Variants in EDARADD observed in about 807,000 individuals in gnomAD.
The protein encoded by EDARADD is EDAR associated via death domain, also known as ectodysplasin-A receptor-associated adapter protein.
A neutral mutation model predicts 25.6 loss-of-function variants in EDARADD; 20 were observed. The observed-to-expected ratio is 0.78, with a 90% CI of 0.55 to 1.14. The LOEUF is 1.14. Ranked by LOEUF, EDARADD falls within the 50% of genes most tolerant of loss-of-function variation. EDARADD has a pLI of 0.00. For missense variants in EDARADD, 225 were observed against 270.1 expected (o/e 0.83, Z 1.17); for synonymous variants, 86 against 94.4 (o/e 0.91, Z 0.52).
chr1:236,435,101 T>C (rs1264055293), intron 4 of EDARADD, among the ~76,000 whole-genome samples: 1 of 152,100 alleles, frequency 6.6e-6, no homozygotes, highest in East Asian at 1.9e-4. Context: ...GATTCATGCA[T>C]TGGGAGGTTA....
At chr1:236,379,852 A>G (rs1667278027) in intron 3 of EDARADD, among the ~76,000 whole-genome samples, 1 of 152,238 alleles carries the variant, frequency 6.6e-6, no homozygotes, top group African/African-American at 2.4e-5. Flanking sequence ...AGAAACGTAA[A>G]TTAATTTGTT....
In EDARADD at chr1:236,468,260, T is replaced by A. The variant is rs1055330533; in HGVS notation, c.249T>A (p.Thr83=). The A allele has an allele frequency of 1.2e-6, 2 of 1,614,056 alleles. No individual in the cohort carries two copies. Among genetic ancestry groups the A allele is most frequent in the African/African-American group, 1.3e-5 (1 of 74,942 alleles). Residue 83 remains threonine (T), a synonymous_variant, in exon 5 of 6, where the codon ACT becomes ACA. Transcript: ENST00000334232. ...QGEENGFPDS[T]GDPLPEISKD... The stretch of plus-strand genomic sequence containing the variant: ...AAGAAAATGGCTTTCCAGATAGCAC[T>A]GGAGATCCTCTTCCAGGTAAATGAT...
At chr1:236,377,782 C>CG (rs1667242315) in intron 3 of EDARADD, among the ~76,000 whole-genome samples, 1 of 151,690 alleles carries the variant, frequency 6.6e-6, no homozygotes, top group Admixed American at 6.6e-5. Context: ...CGCTTGAACC[C>CG]GGGAGGCAGA....
chr1:236,472,708 G>A lies in EDARADD; in HGVS notation c.265+4432G>A, dbSNP rs140189241. The stretch of plus-strand genomic sequence containing the variant: ...ATTCATTGTTGCATGCTTCTTACGT[G>A]TGCTAGGATGGGAGCTTTAAAGGAT... On this transcript the variant is annotated intron_variant, in intron 5 of 5. Transcript: ENST00000334232. Among the ~76,000 whole-genome samples, 53 of 152,232 alleles carry A rather than the reference G, an allele frequency of 3.5e-4. No individual in the cohort carries two copies. In the East Asian group the frequency reaches 8.3e-3, roughly 24 times the overall value.
Position 236,483,327 on chromosome 1 carries a change from A to G in EDARADD, c.*678A>G. 1 of 1,594,912 alleles carries G rather than the reference A, an allele frequency of 6.3e-7. No individual in the cohort carries two copies. The highest frequency in any genetic ancestry group is 1.1e-5 in the South Asian group (1 of 90,672). The stretch of plus-strand genomic sequence containing the variant: ...CCTAGAGCTCCAGGACAATGATAAG[A>G]CTCGCTATATGGGGAAGGGTGTCTC... On this transcript the variant is annotated 3_prime_UTR_variant, in exon 6 of 6. Coordinates refer to ENST00000334232, the MANE Select transcript of EDARADD (RefSeq NM_145861.4).
intron 3 of EDARADD, among the ~76,000 whole-genome samples, chr1:236,372,769 CCTT>C (rs529848790): frequency 1.4e-3 from 214 of 152,096 alleles, no homozygotes; most frequent in African/African-American, 4.9e-3. Flanking sequence ...AATTGTTTCT[CCTT>C]ATGTGAATTT....
chr1:236,441,400 G>GAT (rs1658395129), intron 4 of EDARADD, among the ~76,000 whole-genome samples: 1 of 142,948 alleles, frequency 7.0e-6, no homozygotes, highest in South Asian at 2.1e-4. Flanking sequence ...AGATATATGA[G>GAT]ATATATATAG....
intron 3 of EDARADD, among the ~76,000 whole-genome samples, chr1:236,363,006 A>AATATATATATATATATAT (rs1184705463): frequency 7.0e-4 from 30 of 42,930 alleles, no homozygotes; most frequent in African/African-American, 2.1e-3. Flanking sequence ...AAAAAAAAAA[A>AATATATATATATATATAT]ATATATATAT....
chr1:236,424,064 C>A (rs1323077979), intron 3 of EDARADD, among the ~76,000 whole-genome samples: 2 of 151,748 alleles, frequency 1.3e-5, no homozygotes, highest in Non-Finnish European at 2.9e-5. Flanking sequence ...TGAGATCGCA[C>A]CACTGCACTC....
At position 236,465,928 on chromosome 1, in the gene EDARADD, G is replaced by T. The variant is rs184216485; in HGVS notation, c.220-2303G>T. ...CTTTATCAACTTTCACAAGTAATTC[G>T]TATTTCCCTGTCTGCATCACGGGGA... On this transcript the variant is annotated intron_variant, in intron 4 of 5. Coordinates refer to ENST00000334232, the MANE Select transcript of EDARADD (RefSeq NM_145861.4). Among the ~76,000 whole-genome samples, 12 of 152,220 alleles carry T rather than the reference G, an allele frequency of 7.9e-5. 1 individual carries two copies. The highest frequency in any genetic ancestry group is 2.9e-4 in the African/African-American group (12 of 41,530).
chr1:236,380,209 T>C (rs531072825), intron 3 of EDARADD, among the ~76,000 whole-genome samples: 1 of 152,292 alleles, frequency 6.6e-6, no homozygotes, highest in Middle Eastern at 3.4e-3. Context: ...ATTAAAATAG[T>C]GTGACACAAA....
intron 4 of EDARADD, among the ~76,000 whole-genome samples, chr1:236,445,901 C>T (rs1322619093): frequency 6.6e-6 from 1 of 152,128 alleles, no homozygotes; most frequent in Non-Finnish European, 1.5e-5. Context: ...TCCTTTTTCT[C>T]AGCAGTTCCA....
At chr1:236,457,047 C>T (rs930401586) in intron 4 of EDARADD, among the ~76,000 whole-genome samples, 26 of 152,066 alleles carry the variant, frequency 1.7e-4, no homozygotes, top group Admixed American at 1.0e-3. Flanking sequence ...ACCCAACCTC[C>T]GCCCTCATTT....
In EDARADD at chr1:236,404,023, C is replaced by T. The variant is rs555654722; in HGVS notation, c.62-5193C>T. ...AGGCAGCTTTGGCAGAAAAGCACAGCCTGGCATAAGATGGCAGCCATGAGC... is the reference window on the plus strand; with the variant it reads ...AGGCAGCTTTGGCAGAAAAGCACAGTCTGGCATAAGATGGCAGCCATGAGC... On this transcript the variant is annotated intron_variant, in intron 1 of 5. Transcript: ENST00000334232. Among the ~76,000 whole-genome samples the T allele has an allele frequency of 4.6e-5, 7 of 152,300 alleles. No individual in the cohort carries two copies. In the South Asian group the frequency reaches 1.5e-3, roughly 32 times the overall value.
chr1:236,389,981 C>G (rs990721737), upstream of EDARADD, among the ~76,000 whole-genome samples: 4 of 152,136 alleles, frequency 2.6e-5, no homozygotes, highest in African/African-American at 9.7e-5. Flanking sequence ...CTACACTTTG[C>G]ACTCCAGCCT....
chr1:236,386,886 C>A (rs1667360748), intron 3 of EDARADD, among the ~76,000 whole-genome samples: 1 of 86,112 alleles, frequency 1.2e-5, no homozygotes, highest in Non-Finnish European at 2.5e-5. Flanking sequence ...GGTCAGCCCC[C>A]CCGCCCGGCC....
chr1:236,402,912 A>G (rs961315081), intron 1 of EDARADD, among the ~76,000 whole-genome samples: 2 of 152,192 alleles, frequency 1.3e-5, no homozygotes, highest in Non-Finnish European at 2.9e-5. Flanking sequence ...CATGCCATGC[A>G]GAGCAGACGC....
chr1:236,463,598 A>G (rs1659099007), intron 4 of EDARADD, among the ~76,000 whole-genome samples: 1 of 152,114 alleles, frequency 6.6e-6, no homozygotes, highest in African/African-American at 2.4e-5. Context: ...GCCCATTTTA[A>G]CCACTTTTAA....
At chr1:236,360,482 A>G (rs1324033393) in intron 3 of EDARADD, among the ~76,000 whole-genome samples, 1 of 151,798 alleles carries the variant, frequency 6.6e-6, no homozygotes, top group African/African-American at 2.4e-5. Flanking sequence ...GACAGGATCT[A>G]TCAGGTAAAT....
Sources: allele counts gnomAD v4.1 joint callset (sites outside exome capture counted in the v4.1 genomes callset), GRCh38; gene constraint gnomAD v4.1.1; transcripts MANE v1.5; gene names NCBI Gene and HGNC (gene_info 2026-07-23, HGNC 2026-07-21).